ASIC2: variants seen among roughly 807,000 people sequenced by gnomAD.
The protein encoded by ASIC2 is acid sensing ion channel subunit 2, also known as acid-sensing ion channel 2.
Under a neutral mutation model 57.3 loss-of-function variants are expected in ASIC2, and 25 were observed. The ratio of observed to expected loss-of-function variants is 0.44; its 90% CI spans 0.32 to 0.61. The LOEUF is 0.61. Among genes scored for constraint, ASIC2 ranks in the 20% least tolerant of loss-of-function variants. The probability of loss-of-function intolerance (pLI) is 0.06; values close to 1 mark genes in which losing one functional copy is unlikely to be tolerated. For missense variants in ASIC2, 641 were observed against 738.1 expected (o/e 0.87, Z 1.52); for synonymous variants, 319 against 307.5 (o/e 1.04, Z -0.39).
intron 1 of ASIC2, among the ~76,000 whole-genome samples, chr17:33,380,251 A>AAAAAG (rs1909435323): frequency 7.6e-6 from 1 of 131,518 alleles, no homozygotes; most frequent in Non-Finnish European, 1.5e-5. Context: ...GTCTCAAAAA[A>AAAAAG]AAAAAAAAAA....
At chr17:33,250,353 C>A (rs1450763497) in intron 1 of ASIC2, among the ~76,000 whole-genome samples, 1 of 152,224 alleles carries the variant, frequency 6.6e-6, no homozygotes, top group Non-Finnish European at 1.5e-5. Flanking sequence ...CGGGAGCCTG[C>A]TCCTAGTGTG....
intron 1 of ASIC2, among the ~76,000 whole-genome samples, chr17:34,096,312 T>C (rs989873294): frequency 6.6e-6 from 1 of 152,100 alleles, no homozygotes; most frequent in Non-Finnish European, 1.5e-5. Context: ...AGGTATAGCA[T>C]GAGTTAAAGG....
At chr17:33,464,484 C>CTTTA (rs1912756336) in intron 1 of ASIC2, among the ~76,000 whole-genome samples, 3 of 36,750 alleles carry the variant, frequency 8.2e-5, no homozygotes, top group African/African-American at 3.6e-4. Context: ...TCTTTTCTCT[C>CTTTA]TTTCTTTCTT....
chr17:33,486,940 A>G (rs1012826407), intron 1 of ASIC2, among the ~76,000 whole-genome samples: 5 of 152,154 alleles, frequency 3.3e-5, no homozygotes, highest in Non-Finnish European at 7.3e-5. Context: ...GCAGCACCCA[A>G]CCACAGCCCA....
At chr17:33,896,882 A>T (rs989078954) in intron 1 of ASIC2, among the ~76,000 whole-genome samples, 6 of 152,230 alleles carry the variant, frequency 3.9e-5, no homozygotes, top group Non-Finnish European at 8.8e-5. Context: ...GTTGCACAAC[A>T]TGGTGGCCCT....
Position 33,293,270 on chromosome 17 carries a change from C to CCT in ASIC2, c.-1157_-1156dup, listed in dbSNP as rs1236850311. On this transcript the variant is annotated 5_prime_UTR_variant, in exon 1 of 10. Transcript: ENST00000225823. ...CGCGGCTGGGCTCCGAGCACCTGCT[C>CCT]CTCAGCTCGCTGGCCCCGCGGCTCC... is the stretch of plus-strand genomic sequence containing the variant. Among the ~76,000 whole-genome samples, 1 of 152,074 alleles carries CCT rather than the reference C, an allele frequency of 6.6e-6. No homozygotes were observed. The highest frequency in any genetic ancestry group is 2.4e-5 in the African/African-American group (1 of 41,444).
At chr17:33,876,807 A>ACTGATTCTC (rs1914556856) in intron 1 of ASIC2, among the ~76,000 whole-genome samples, 1 of 152,114 alleles carries the variant, frequency 6.6e-6, no homozygotes, top group African/African-American at 2.4e-5. Context: ...AACTGATTCT[A>ACTGATTCTC]CTGATTCTCC....
chr17:33,440,142 C>T (rs552892432), intron 1 of ASIC2, among the ~76,000 whole-genome samples: 1 of 152,200 alleles, frequency 6.6e-6, no homozygotes. Context: ...TGCCCATTTG[C>T]GGTCAATCCA....
At chr17:33,486,473 C>T (rs1386330748) in intron 1 of ASIC2, among the ~76,000 whole-genome samples, 1 of 152,212 alleles carries the variant, frequency 6.6e-6, no homozygotes, top group Non-Finnish European at 1.5e-5. Flanking sequence ...ACGGTTTGAG[C>T]TCCATAAAAG....
intron 1 of ASIC2, among the ~76,000 whole-genome samples, chr17:34,085,485 T>C (rs1224328752): frequency 6.6e-6 from 1 of 152,240 alleles, no homozygotes; most frequent in Non-Finnish European, 1.5e-5. Flanking sequence ...TCAAGGATAT[T>C]GGTCTAAAAT....
chr17:33,184,158 A>G (rs879818388), intron 1 of ASIC2, among the ~76,000 whole-genome samples: 9 of 152,168 alleles, frequency 5.9e-5, no homozygotes, highest in Non-Finnish European at 1.0e-4. Flanking sequence ...GGTTAAAGCG[A>G]CTTGCCCAAA....
chr17:33,195,725 C>T (rs1389735845), intron 1 of ASIC2, among the ~76,000 whole-genome samples: 1 of 152,160 alleles, frequency 6.6e-6, no homozygotes, highest in Non-Finnish European at 1.5e-5. Flanking sequence ...GATCAGAAGG[C>T]CAAATGGCTT....
chr17:33,750,714 A>G (rs933729552), intron 1 of ASIC2, among the ~76,000 whole-genome samples: 4 of 152,144 alleles, frequency 2.6e-5, no homozygotes, highest in African/African-American at 9.7e-5. Flanking sequence ...TTGAGACATC[A>G]GGCATTGTCT....
chr17:33,900,748 G>A (rs962057357), intron 1 of ASIC2, among the ~76,000 whole-genome samples: 1 of 152,174 alleles, frequency 6.6e-6, no homozygotes, highest in Non-Finnish European at 1.5e-5. Flanking sequence ...AGTTGGAGGT[G>A]GGAGGGTATC....
chr17:34,059,436 G>T (rs1908889040), intron 1 of ASIC2, among the ~76,000 whole-genome samples: 1 of 152,204 alleles, frequency 6.6e-6, no homozygotes, highest in African/African-American at 2.4e-5. Flanking sequence ...TCCACAGGGA[G>T]AAGAAATTCT....
chr17:33,112,085 G>A lies in ASIC2; in HGVS notation c.709-18C>T. 1 of 1,602,806 alleles carries A rather than the reference G, an allele frequency of 6.2e-7. No individual in the cohort carries two copies. Among genetic ancestry groups the A allele is most frequent in the Non-Finnish European group, 8.5e-7 (1 of 1,174,108 alleles). ...GTAAACACCTGAAGGAGAGAAGAGAGAGAGAGAGAGAAGCACATGGGTAAC... is the reference window on the plus strand; with the variant it reads ...GTAAACACCTGAAGGAGAGAAGAGAAAGAGAGAGAGAAGCACATGGGTAAC... On this transcript the variant is annotated intron_variant, in intron 1 of 9. Coordinates refer to ENST00000225823, the MANE Select transcript of ASIC2 (RefSeq NM_183377.2).
At chr17:34,119,228 C>T (rs1363384878) in intron 1 of ASIC2, among the ~76,000 whole-genome samples, 2 of 152,076 alleles carry the variant, frequency 1.3e-5, no homozygotes, top group African/African-American at 2.4e-5. Flanking sequence ...CACATGACAT[C>T]GATTCGAGTC....
intron 1 of ASIC2, among the ~76,000 whole-genome samples, chr17:33,647,222 GT>G (rs779077606): frequency 6.6e-6 from 1 of 152,148 alleles, no homozygotes; most frequent in East Asian, 1.9e-4. Context: ...GAAATAATCC[GT>G]TTTATAGAAA....
At chr17:33,459,935 C>T (rs1419118669) in intron 1 of ASIC2, among the ~76,000 whole-genome samples, 5 of 151,992 alleles carry the variant, frequency 3.3e-5, no homozygotes, top group Admixed American at 3.3e-4. Context: ...TCATTTAGTC[C>T]TTGGTTTGTA....
Sources: allele counts gnomAD v4.1 joint callset (sites outside exome capture counted in the v4.1 genomes callset), GRCh38; gene constraint gnomAD v4.1.1; transcripts MANE v1.5; gene names NCBI Gene and HGNC (gene_info 2026-07-23, HGNC 2026-07-21).